Variants in LGR4 observed in about 807,000 individuals in gnomAD.
LGR4 encodes the protein leucine-rich repeat-containing G protein-coupled receptor 4.
LGR4 carries 44 observed loss-of-function variants against 84.8 expected under a neutral mutation model. That is an observed-to-expected ratio of 0.52 (90% CI 0.41 to 0.67). The LOEUF (loss-of-function observed/expected upper bound fraction) is 0.67. Among genes scored for constraint, LGR4 ranks in the 30% least tolerant of loss-of-function variants. LGR4 has a pLI of 0.00. For synonymous variants in LGR4, 429 were observed against 434.3 expected (o/e 0.99, Z 0.15); for missense variants, 1,032 against 1,131.4 (o/e 0.91, Z 1.26).
Position 27,368,800 on chromosome 11 carries a change from G to A in LGR4, c.1923C>T (p.Val641=), listed in dbSNP as rs139995847. 2.8e-5 allele frequency: 45 copies of A among 1,613,894 alleles called. No homozygotes were observed. Among genetic ancestry groups the A allele is most frequent in the African/African-American group, 5.3e-5 (4 of 74,890 alleles). The stretch of plus-strand genomic sequence containing the variant: ...TATCTTTTGCAGATAAGCTTCTTTC[G>A]ACAGTTGCTAGCATTAATAAAAATA... The part of the protein sequence containing the change: ...SAIFLLMLAT[V]ERSLSAKDIM... The change falls in exon 18 of 18, where the codon GTC becomes GTT. Residue 641 remains valine, a synonymous_variant. Transcript: ENST00000379214.
intron 1 of LGR4, among the ~76,000 whole-genome samples, chr11:27,451,254 C>T (rs1864476126): frequency 6.6e-6 from 1 of 152,002 alleles, no homozygotes; most frequent in Admixed American, 6.6e-5. Flanking sequence ...CAGACAAATG[C>T]TTCACACCAC....
At chr11:27,434,975 A>G (rs1011690427) in intron 1 of LGR4, among the ~76,000 whole-genome samples, 1 of 152,162 alleles carries the variant, frequency 6.6e-6, no homozygotes, top group African/African-American at 2.4e-5. Flanking sequence ...TTCACCATGC[A>G]ACGTGTCAAA....
chr11:27,372,310 G>A lies in LGR4; in HGVS notation c.1468C>T (p.Gln490Ter). Residue 490 changes from glutamine to a stop codon, truncating the protein, a stop_gained, in exon 16 of 18, where the codon CAG becomes TAG. Transcript: ENST00000379214. LOFTEE classifies it high-confidence loss of function. ...ANLNTEDNSL[Q>*]DHSVAQEKGT... ...TTCTCCTGTGCCACACTGTGGTCCT[G>A]GAGGCTGTTATCTTCTGTGTTTAAA... 6.2e-7 allele frequency: 1 copy of A among 1,612,494 alleles called. No homozygotes were observed.
chr11:27,377,268 TA>T (rs757025723), intron 11 of LGR4, 45 bp from the exon 12 acceptor site: 2 of 1,007,106 alleles, frequency 2.0e-6, no homozygotes, highest in Non-Finnish European at 3.1e-6. Flanking sequence ...GTTATCAGAG[TA>T]TTATATTAAA....
At position 27,380,441 on chromosome 11, in the gene LGR4, C is replaced by G. The variant is rs1157572613; in HGVS notation, c.903-102G>C. On this transcript the variant is annotated intron_variant, in intron 9 of 17. Transcript: ENST00000379214. The stretch of plus-strand genomic sequence containing the variant: ...AGTGCAACTATAACTAAAAATAAAA[C>G]TAGTTTCATCTCTTGAATGTACTTG... 7.4e-6 allele frequency: 6 copies of G among 813,806 alleles called. No homozygotes were observed. In the East Asian group the frequency reaches 1.1e-4, roughly 14 times the overall value. The allele number at this position is 813,806 out of a possible 1,614,324, so 50.4% of individuals were successfully genotyped here.
At chr11:27,430,481 A>G (rs1489548202) in intron 1 of LGR4, among the ~76,000 whole-genome samples, 1 of 152,204 alleles carries the variant, frequency 6.6e-6, no homozygotes, top group African/African-American at 2.4e-5. Flanking sequence ...TTTTTCTAAA[A>G]TGTTATCTGT....
intron 1 of LGR4, among the ~76,000 whole-genome samples, chr11:27,453,346 C>T (rs1261619855): frequency 3.3e-5 from 5 of 152,138 alleles, no homozygotes; most frequent in African/African-American, 1.2e-4. Flanking sequence ...GGATTACAGG[C>T]GTGAGCCACC....
At chr11:27,394,135 T>G (rs1863342685) in intron 2 of LGR4, among the ~76,000 whole-genome samples, 2 of 152,148 alleles carry the variant, frequency 1.3e-5, no homozygotes, top group African/African-American at 4.8e-5. Flanking sequence ...CCATACACTT[T>G]GTTTCTTACA....
intron 7 of LGR4, among the ~76,000 whole-genome samples, chr11:27,381,587 T>C (rs546315771): frequency 4.1e-4 from 62 of 152,166 alleles, no homozygotes; most frequent in African/African-American, 1.3e-3. Flanking sequence ...GAAGCTAAGA[T>C]GGGAGGATCA....
intron 7 of LGR4, 128 bp downstream of exon 7, chr11:27,382,060 T>C (rs1172577121): frequency 1.6e-6 from 1 of 642,328 alleles, no homozygotes; most frequent in East Asian, 2.7e-5. Flanking sequence ...TTATGATTAT[T>C]TGTGTGTTTG....
At chr11:27,460,246 A>G (rs540441656) in intron 1 of LGR4, among the ~76,000 whole-genome samples, 2 of 152,272 alleles carry the variant, frequency 1.3e-5, no homozygotes, top group South Asian at 4.1e-4. Flanking sequence ...CCGAGCTCCC[A>G]AGAAGAAGGC....
chr11:27,417,138 A>G (rs191511836), intron 1 of LGR4, among the ~76,000 whole-genome samples: 9 of 152,272 alleles, frequency 5.9e-5, no homozygotes, highest in Non-Finnish European at 1.2e-4. Context: ...ATAAAACTGT[A>G]CTGCTACTAC....
chr11:27,376,920 T>C (rs944970496), intron 12 of LGR4, among the ~76,000 whole-genome samples: 5 of 152,176 alleles, frequency 3.3e-5, no homozygotes, highest in African/African-American at 9.7e-5. Context: ...TTCTTTTAAA[T>C]ATACACTAAC....
At position 27,419,547 on chromosome 11, in the gene LGR4, C is replaced by A. The variant is rs1863884931; in HGVS notation, c.186-6687G>T. Among the ~76,000 whole-genome samples, 4 of 148,462 alleles carry A rather than the reference C, an allele frequency of 2.7e-5. No individual in the cohort carries two copies. In the Admixed American group the frequency reaches 2.7e-4, roughly 10 times the overall value. ...AACATATACTTATGACTATATGACCCAGCAATCCTAGACATAAATTATATA... is the reference window on the plus strand; with the variant it reads ...AACATATACTTATGACTATATGACCAAGCAATCCTAGACATAAATTATATA... On this transcript the variant is annotated intron_variant, in intron 1 of 17. Coordinates refer to ENST00000379214, the MANE Select transcript of LGR4 (RefSeq NM_018490.5).
chr11:27,411,915 C>T (rs887499133), intron 2 of LGR4, among the ~76,000 whole-genome samples: 1 of 152,074 alleles, frequency 6.6e-6, no homozygotes. Context: ...ATGACACAAT[C>T]TGTAATATGA....
chr11:27,373,471 C>A, intron 15 of LGR4, 80 bp downstream of exon 15: 2 of 1,355,746 alleles, frequency 1.5e-6, no homozygotes, highest in Non-Finnish European at 2.0e-6. Flanking sequence ...ATCTGAGAAC[C>A]AGAGCAAAAA....
At chr11:27,414,684 G>T (rs59687194) in intron 1 of LGR4, among the ~76,000 whole-genome samples, 2 of 152,128 alleles carry the variant, frequency 1.3e-5, no homozygotes, top group Admixed American at 1.3e-4. Flanking sequence ...ATCCCTGGGG[G>T]AAGGGGCGAG....
intron 2 of LGR4, among the ~76,000 whole-genome samples, chr11:27,405,888 T>C (rs966192248): frequency 2.0e-5 from 3 of 152,196 alleles, no homozygotes; most frequent in South Asian, 2.1e-4. Flanking sequence ...GCTATGAGAC[T>C]ACATTTATTG....
intron 1 of LGR4, among the ~76,000 whole-genome samples, chr11:27,416,257 C>A (rs1353074113): frequency 6.6e-6 from 1 of 152,158 alleles, no homozygotes; most frequent in Non-Finnish European, 1.5e-5. Context: ...GGAGTACGGG[C>A]TTTGGCGCCA....
Sources: allele counts gnomAD v4.1 joint callset (sites outside exome capture counted in the v4.1 genomes callset), GRCh38; gene constraint gnomAD v4.1.1; transcripts MANE v1.5; gene names NCBI Gene and HGNC (gene_info 2026-07-23, HGNC 2026-07-21).